Variants in FRMD4A observed in about 807,000 individuals in gnomAD.
FRMD4A encodes the protein FERM domain-containing protein 4A.
A neutral mutation model predicts 129.1 loss-of-function variants in FRMD4A; 29 were observed. That is an observed-to-expected ratio of 0.22 (90% confidence interval 0.17 to 0.31). FRMD4A has a LOEUF of 0.31. Ranked by LOEUF, FRMD4A falls within the 10% of genes least tolerant of loss-of-function variation. FRMD4A has a pLI of 1.00. For synonymous variants in FRMD4A, 634 were observed against 571.6 expected, an observed-to-expected ratio of 1.11 and a Z score of -1.56; for missense variants, 1,272 against 1,375.8, an observed-to-expected ratio of 0.92 and a Z score of 1.19.
At chr10:13,884,186 A>C (rs28612162) in intron 2 of FRMD4A, among the ~76,000 whole-genome samples, 1 of 109,596 alleles carries the variant, frequency 9.1e-6, no homozygotes, top group African/African-American at 3.6e-5. Context: ...TCACACACAC[A>C]CACACACACT....
At chr10:13,918,996 T>C (rs181719209) in intron 2 of FRMD4A, among the ~76,000 whole-genome samples, 219 of 152,342 alleles carry the variant, frequency 1.4e-3, no homozygotes, top group African/African-American at 5.0e-3. Flanking sequence ...GTCTGGTGGC[T>C]TCTTTCTAGA....
At chr10:14,124,618 G>C (rs1564315274) in intron 2 of FRMD4A, among the ~76,000 whole-genome samples, 1 of 152,326 alleles carries the variant, frequency 6.6e-6, no homozygotes, top group East Asian at 1.9e-4. Context: ...GGAGGTTGCA[G>C]TGAGCCGAGA....
At chr10:14,186,598 G>T (rs986801289) in intron 2 of FRMD4A, among the ~76,000 whole-genome samples, 1 of 152,154 alleles carries the variant, frequency 6.6e-6, no homozygotes, top group African/African-American at 2.4e-5. Flanking sequence ...CAAACATGAT[G>T]GTCTAGGGAC....
intron 2 of FRMD4A, among the ~76,000 whole-genome samples, chr10:13,905,725 A>G (rs988408172): frequency 1.3e-5 from 2 of 152,234 alleles, no homozygotes; most frequent in Admixed American, 6.5e-5. Flanking sequence ...AACACTAAGT[A>G]ACTTGCCAAA....
chr10:13,951,929 T>TAAAAAA (rs1554984654), intron 2 of FRMD4A, among the ~76,000 whole-genome samples: 1 of 145,966 alleles, frequency 6.9e-6, no homozygotes, highest in Admixed American at 6.9e-5. Flanking sequence ...ATAATAATAA[T>TAAAAAA]AAACAATCTA....
At chr10:13,704,820 C>T (rs965782742) in intron 13 of FRMD4A, among the ~76,000 whole-genome samples, 1 of 151,696 alleles carries the variant, frequency 6.6e-6, no homozygotes, top group Non-Finnish European at 1.5e-5. Context: ...CCTGTAATCC[C>T]AGCACTTTGA....
intron 4 of FRMD4A, among the ~76,000 whole-genome samples, chr10:13,803,407 C>G (rs2093296569): frequency 6.6e-6 from 1 of 152,180 alleles, no homozygotes; most frequent in South Asian, 2.1e-4. Context: ...TCATAGCTCG[C>G]TGCAGCCTTG....
Position 14,270,808 on chromosome 10 carries a change from T to A in FRMD4A, c.45+59250A>T, listed in dbSNP as rs1415087456. Reference sequence around the variant, plus strand: ...CGGTACGTTTCGGGTCACAAAAACATCACCAAACTTCTAAGTAAAGACCAA... The same window carrying A: ...CGGTACGTTTCGGGTCACAAAAACAACACCAAACTTCTAAGTAAAGACCAA... On this transcript the variant is annotated intron_variant, in intron 2 of 24. Transcript: ENST00000357447. 2.6e-5 allele frequency among the ~76,000 whole-genome samples: 4 copies of A among 152,188 alleles called. No individual in the cohort carries two copies. In the East Asian group the frequency reaches 7.7e-4, roughly 29 times the overall value.
At chr10:13,826,855 C>T (rs11258652) in intron 3 of FRMD4A, among the ~76,000 whole-genome samples, 5 of 151,984 alleles carry the variant, frequency 3.3e-5, no homozygotes, top group Non-Finnish European at 5.9e-5. Flanking sequence ...GAAAGTCAGG[C>T]GAGCAAGGAT....
intron 2 of FRMD4A, among the ~76,000 whole-genome samples, chr10:13,878,996 A>C (rs1181849782): frequency 6.6e-6 from 1 of 152,226 alleles, no homozygotes; most frequent in African/African-American, 2.4e-5. Context: ...TGATTGACTA[A>C]AAGTATAAAA....
chr10:14,282,916 A>G (rs1326563754), intron 2 of FRMD4A, among the ~76,000 whole-genome samples: 1 of 152,220 alleles, frequency 6.6e-6, no homozygotes, highest in Non-Finnish European at 1.5e-5. Flanking sequence ...TTGAGTCAGG[A>G]GACACCACTT....
chr10:14,292,645 A>G (rs1845884546), intron 2 of FRMD4A, among the ~76,000 whole-genome samples: 1 of 152,114 alleles, frequency 6.6e-6, no homozygotes, highest in Non-Finnish European at 1.5e-5. Flanking sequence ...TAAAAAATAC[A>G]AAAAATTAGC....
intron 2 of FRMD4A, among the ~76,000 whole-genome samples, chr10:14,133,609 C>G (rs1314749576): frequency 6.6e-6 from 1 of 152,180 alleles, no homozygotes; most frequent in Non-Finnish European, 1.5e-5. Flanking sequence ...ACACACTCAT[C>G]CTTTGCTGGC....
At chr10:14,192,030 C>T (rs1028392034) in intron 2 of FRMD4A, among the ~76,000 whole-genome samples, 18 of 152,124 alleles carry the variant, frequency 1.2e-4, no homozygotes, top group Admixed American at 3.3e-4. Flanking sequence ...CTTAACTGAC[C>T]ACACTTTAAG....
At position 14,210,335 on chromosome 10, in the gene FRMD4A, G is replaced by A. The variant is rs77435086; in HGVS notation, c.45+119723C>T. 6.5e-3 allele frequency among the ~76,000 whole-genome samples: 994 copies of A among 152,210 alleles called. 7 individuals carry two copies. Among genetic ancestry groups the A allele is most frequent in the African/African-American group, 0.02 (850 of 41,506 alleles). Reference sequence around the variant, plus strand: ...AGACCCAGGCACCAAATCTGCTGGCGCCTTGGTCTTGGACTTCCCAGCCCC... The same window carrying A: ...AGACCCAGGCACCAAATCTGCTGGCACCTTGGTCTTGGACTTCCCAGCCCC... On this transcript the variant is annotated intron_variant, in intron 2 of 24. Coordinates refer to ENST00000357447, the MANE Select transcript of FRMD4A (RefSeq NM_018027.5).
intron 2 of FRMD4A, chr10:13,891,895 C>T (rs1034110137): frequency 1.1e-4 from 30 of 271,128 alleles, no homozygotes; most frequent in African/African-American, 4.4e-4. Context: ...GCGCCCGGCC[C>T]GCCGCATGGT....
chr10:14,110,101 G>A (rs546880649), intron 2 of FRMD4A, among the ~76,000 whole-genome samples: 1 of 109,130 alleles, frequency 9.2e-6, no homozygotes, highest in Admixed American at 1.1e-4. Context: ...TATATTCCAG[G>A]CTGGGCAACA....
chr10:14,070,074 C>T (rs1835248164), intron 2 of FRMD4A, among the ~76,000 whole-genome samples: 1 of 152,136 alleles, frequency 6.6e-6, no homozygotes, highest in African/African-American at 2.4e-5. Context: ...ACTTTCTCTT[C>T]CCTCAAATCA....
At chr10:13,700,606 G>A (rs74121854) in intron 14 of FRMD4A, among the ~76,000 whole-genome samples, 4,200 of 152,220 alleles carry the variant, frequency 0.028, 189 homozygotes, top group African/African-American at 0.097. Context: ...AGTGGCTTGT[G>A]GGGGGCTGAC....
Sources: allele counts gnomAD v4.1 joint callset (sites outside exome capture counted in the v4.1 genomes callset), GRCh38; gene constraint gnomAD v4.1.1; transcripts MANE v1.5; gene names NCBI Gene and HGNC (gene_info 2026-07-23, HGNC 2026-07-21).